Variants in CHRM5 observed in about 807,000 individuals in gnomAD.
CHRM5 encodes cholinergic receptor muscarinic 5.
Under a neutral mutation model 39.0 loss-of-function variants are expected in CHRM5, and 18 were observed. The ratio of observed to expected loss-of-function variants is 0.46; its 90% confidence interval spans 0.32 to 0.68. The LOEUF is 0.68. CHRM5 is among the 30% of genes least tolerant of loss of function. The probability of loss-of-function intolerance (pLI) is 0.04; values close to 1 mark genes in which losing one functional copy is unlikely to be tolerated. For synonymous variants in CHRM5, 241 were observed against 246.3 expected (o/e 0.98, Z 0.20); for missense variants, 515 against 651.1 (o/e 0.79, Z 2.28).
intron 1 of CHRM5, among the ~76,000 whole-genome samples, chr15:34,023,965 T>G (rs1597363916): frequency 6.6e-6 from 1 of 152,208 alleles, no homozygotes. Context: ...TGATTTCAGA[T>G]GTAAGCTAAA....
chr15:33,999,803 G>T (rs965314831), intron 1 of CHRM5, among the ~76,000 whole-genome samples: 6 of 152,124 alleles, frequency 3.9e-5, no homozygotes, highest in African/African-American at 1.4e-4. Context: ...CTCCCCTCTT[G>T]CCAGTCTTCA....
rs992667939 is a variant in CHRM5 at position 33,990,185 on chromosome 15, C to A, written c.-408+21035C>A. Among the ~76,000 whole-genome samples, 15 of 151,346 alleles carry A rather than the reference C, an allele frequency of 9.9e-5. 1 individual carries two copies. In the East Asian group the frequency reaches 2.9e-3, roughly 29 times the overall value. On this transcript the variant is annotated intron_variant, in intron 1 of 2. Transcript: ENST00000383263. ...CATCGTTGCAATCCAGACTGGGCAA[C>A]AGGGTGAGACTCCGTCTCAAAAAAA...
intron 1 of CHRM5, among the ~76,000 whole-genome samples, chr15:33,982,967 G>T (rs1371664154): frequency 6.6e-6 from 1 of 151,746 alleles, no homozygotes; most frequent in African/African-American, 2.4e-5. Flanking sequence ...ACTCCTGTTG[G>T]GATAATTTTT....
At chr15:33,976,512 C>T (rs1044348495) in intron 1 of CHRM5, among the ~76,000 whole-genome samples, 3 of 152,098 alleles carry the variant, frequency 2.0e-5, no homozygotes, top group Non-Finnish European at 4.4e-5. Flanking sequence ...TTTTTATGGC[C>T]TCTCCATAAA....
At chr15:33,977,311 G>T (rs1359109305) in intron 1 of CHRM5, among the ~76,000 whole-genome samples, 2 of 152,138 alleles carry the variant, frequency 1.3e-5, no homozygotes, top group Non-Finnish European at 2.9e-5. Context: ...ATATTGGTAG[G>T]ATAGAAAGAT....
At chr15:34,027,437 G>T (rs528375656) in intron 1 of CHRM5, among the ~76,000 whole-genome samples, 2 of 151,358 alleles carry the variant, frequency 1.3e-5, no homozygotes. Context: ...GCTGAGGCAG[G>T]AGAATCGCTT....
chr15:34,013,728 C>G (rs1392906213), intron 1 of CHRM5, among the ~76,000 whole-genome samples: 1 of 152,170 alleles, frequency 6.6e-6, no homozygotes, highest in Non-Finnish European at 1.5e-5. Context: ...ACAGAAAAAA[C>G]ATCACCAATG....
chr15:34,035,669 A>T (rs962709771), intron 1 of CHRM5, among the ~76,000 whole-genome samples: 1 of 152,234 alleles, frequency 6.6e-6, no homozygotes, highest in African/African-American at 2.4e-5. Flanking sequence ...GAAGGAAAAA[A>T]GAAAAAAAAT....
chr15:34,015,666 C>T (rs1834598897), intron 1 of CHRM5, among the ~76,000 whole-genome samples: 3 of 151,792 alleles, frequency 2.0e-5, no homozygotes, highest in Non-Finnish European at 2.9e-5. Flanking sequence ...AACAGCAACA[C>T]ATGAGGGAAA....
rs753051440 is a variant in CHRM5 at position 33,984,104 on chromosome 15, CA to C, written c.-408+14955del. 1.0e-3 allele frequency among the ~76,000 whole-genome samples: 155 copies of C among 152,028 alleles called. 2 individuals carry two copies. Among genetic ancestry groups the C allele is most frequent in the Non-Finnish European group, 1.9e-3 (126 of 67,970 alleles). On this transcript the variant is annotated intron_variant, in intron 1 of 2. Transcript: ENST00000383263. ...CTGAGTTAGAAGAGAAAAAGGACATCAGTGGAAAAAATTGGAGAAATGCAAA... is the reference window on the plus strand; with the variant it reads ...CTGAGTTAGAAGAGAAAAAGGACATCGTGGAAAAAATTGGAGAAATGCAAA...
chr15:34,036,185 A>G (rs1283719518), intron 1 of CHRM5, among the ~76,000 whole-genome samples: 1 of 152,074 alleles, frequency 6.6e-6, no homozygotes, highest in Non-Finnish European at 1.5e-5. Context: ...ATGCTCACCC[A>G]TAATCAGTAA....
chr15:34,059,115 T>C (rs1900252950), intron 2 of CHRM5, among the ~76,000 whole-genome samples: 1 of 151,382 alleles, frequency 6.6e-6, no homozygotes, highest in African/African-American at 2.5e-5. Context: ...CAGGCTGGTC[T>C]CGAATTCCTG....
intron 1 of CHRM5, among the ~76,000 whole-genome samples, chr15:34,034,604 GT>G (rs1307285257): frequency 6.6e-6 from 1 of 152,100 alleles, no homozygotes; most frequent in Non-Finnish European, 1.5e-5. Flanking sequence ...ATTGTACATG[GT>G]TTCCCAAAAT....
rs1381925149 is a variant in CHRM5, at chr15:34,063,868, T to G, written c.1151T>G (p.Val384Gly). The G allele has an allele frequency of 6.2e-7, 1 of 1,614,042 alleles. No individual in the cohort carries two copies. The highest frequency in any genetic ancestry group is 1.3e-5 in the African/African-American group (1 of 74,978). Reference protein sequence around the residue: ...QKCVAYKFRLVVKADGNQETN... With the variant: ...QKCVAYKFRLGVKADGNQETN... The stretch of plus-strand genomic sequence containing the variant: ...TGTGTGGCCTATAAGTTCCGATTGG[T>G]GGTAAAAGCTGACGGGAACCAGGAG... The change falls in exon 3 of 3, where the codon GTG (valine) becomes GGG (glycine). Residue 384 changes from valine to glycine, a missense_variant. Coordinates refer to ENST00000383263, the MANE Select transcript of CHRM5 (RefSeq NM_012125.4). The surrounding 1 kb of genome is among the most constrained non-coding windows in gnomAD (Gnocchi z 4.1).
At chr15:33,996,232 G>A (rs1295178769) in intron 1 of CHRM5, among the ~76,000 whole-genome samples, 3 of 152,232 alleles carry the variant, frequency 2.0e-5, no homozygotes, top group African/African-American at 7.2e-5. Context: ...TGCCTCTGTA[G>A]ACCCCACCCC....
chr15:34,045,501 G>A (rs1162621010), intron 1 of CHRM5, among the ~76,000 whole-genome samples: 1 of 152,150 alleles, frequency 6.6e-6, no homozygotes, highest in African/African-American at 2.4e-5. Context: ...GGTACCCCAT[G>A]TGCTTTAAGC....
In CHRM5 at chr15:33,995,228, C is replaced by T. The variant is rs193088901; in HGVS notation, c.-408+26078C>T. Reference sequence around the variant, plus strand: ...GCAGTGAGCTATGATCATGCCACTGCACTCCAGCCTGGGTGACAGAGGAAA... The same window carrying T: ...GCAGTGAGCTATGATCATGCCACTGTACTCCAGCCTGGGTGACAGAGGAAA... On this transcript the variant is annotated intron_variant, in intron 1 of 2. Transcript: ENST00000383263. 3.5e-4 allele frequency among the ~76,000 whole-genome samples: 54 copies of T among 152,188 alleles called. No homozygotes were observed. The East Asian group carries it at 9.8e-3, about 28-fold the overall frequency.
At chr15:33,969,287 CTTG>C (rs1895525218) in intron 1 of CHRM5, 137 bp downstream of exon 1, 1 of 151,950 alleles carries the variant, frequency 6.6e-6, no homozygotes, top group Admixed American at 6.6e-5. Context: ...GAGGTAAACG[CTTG>C]TTTTTACTTA....
chr15:33,987,235 C>T (rs1896516360), intron 1 of CHRM5, among the ~76,000 whole-genome samples: 1 of 152,166 alleles, frequency 6.6e-6, no homozygotes. Context: ...ATGCAGTATC[C>T]CATATGTGCT....
Sources: allele counts gnomAD v4.1 joint callset (sites outside exome capture counted in the v4.1 genomes callset), GRCh38; gene constraint gnomAD v4.1.1; non-coding constraint Gnocchi (gnomAD v3.1); transcripts MANE v1.5; gene names NCBI Gene and HGNC (gene_info 2026-07-23, HGNC 2026-07-21).